NKAIN2: variants seen among roughly 807,000 people sequenced by gnomAD.
NKAIN2 encodes the protein sodium/potassium-transporting ATPase subunit beta-1-interacting protein 2.
Under a neutral mutation model 32.6 loss-of-function variants are expected in NKAIN2, and 14 were observed. That is an observed-to-expected ratio of 0.43 (90% confidence interval 0.28 to 0.67). The LOEUF is 0.67. NKAIN2 is among the 30% of genes least tolerant of loss of function. The pLI, the probability that NKAIN2 is intolerant of heterozygous loss-of-function variation, is 0.17. For missense variants in NKAIN2, 198 were observed against 258.3 expected (o/e 0.77, Z 1.60); for synonymous variants, 80 against 87.2 (o/e 0.92, Z 0.46).
intron 1 of NKAIN2, among the ~76,000 whole-genome samples, chr6:123,815,061 G>A (rs1773633459): frequency 6.6e-6 from 1 of 152,114 alleles, no homozygotes; most frequent in Non-Finnish European, 1.5e-5. Flanking sequence ...TGAATAAATT[G>A]TGTGTTTCTA....
intron 1 of NKAIN2, among the ~76,000 whole-genome samples, chr6:124,234,100 T>G (rs901464289): frequency 2.6e-5 from 4 of 152,160 alleles, no homozygotes; most frequent in African/African-American, 9.6e-5. Context: ...TTTCCAGCTC[T>G]TTCTGTTGTC....
intron 2 of NKAIN2, among the ~76,000 whole-genome samples, chr6:124,293,431 G>A (rs758074113): frequency 1.7e-4 from 25 of 151,234 alleles, no homozygotes; most frequent in Non-Finnish European, 2.2e-4. Flanking sequence ...AAAATTATGC[G>A]GCCTTAAGAA....
chr6:124,308,854 A>G (rs1320124413), intron 2 of NKAIN2, among the ~76,000 whole-genome samples: 1 of 152,204 alleles, frequency 6.6e-6, no homozygotes, highest in Non-Finnish European at 1.5e-5. Context: ...TTCAATAAGG[A>G]AAGGATCCAC....
intron 3 of NKAIN2, among the ~76,000 whole-genome samples, chr6:124,655,506 C>CT (rs1407396803): frequency 6.6e-6 from 1 of 152,072 alleles, no homozygotes; most frequent in African/African-American, 2.4e-5. Flanking sequence ...AACATCAATG[C>CT]TTTTTAAAAA....
chr6:123,839,106 CTG>C (rs1326488297), intron 1 of NKAIN2, among the ~76,000 whole-genome samples: 1 of 151,910 alleles, frequency 6.6e-6, no homozygotes, highest in Non-Finnish European at 1.5e-5. Context: ...GAGAGGGACT[CTG>C]TGTGTCCTGT....
intron 1 of NKAIN2, among the ~76,000 whole-genome samples, chr6:123,904,829 G>C (rs1289103058): frequency 6.6e-6 from 1 of 152,178 alleles, no homozygotes; most frequent in Non-Finnish European, 1.5e-5. Context: ...AGCTGAGCTG[G>C]GGGTGAGAAG....
At chr6:124,370,701 T>A (rs6900347) in intron 3 of NKAIN2, among the ~76,000 whole-genome samples, 12,343 of 152,184 alleles carry the variant, frequency 0.081, 506 homozygotes, top group African/African-American at 0.1. Context: ...TGATAGGTCC[T>A]CAAATCTTTT....
intron 3 of NKAIN2, among the ~76,000 whole-genome samples, chr6:124,573,678 G>T (rs1253239785): frequency 6.6e-6 from 1 of 151,984 alleles, no homozygotes; most frequent in Non-Finnish European, 1.5e-5. Context: ...CCCACTTTCA[G>T]ATCTGAAGCT....
intron 1 of NKAIN2, among the ~76,000 whole-genome samples, chr6:123,841,144 G>A (rs962616487): frequency 6.6e-6 from 1 of 152,090 alleles, no homozygotes; most frequent in African/African-American, 2.4e-5. Context: ...TGTGAATAGG[G>A]CGGTATATGT....
intron 3 of NKAIN2, among the ~76,000 whole-genome samples, chr6:124,596,708 G>A (rs2114972094): frequency 6.6e-6 from 1 of 150,994 alleles, no homozygotes; most frequent in South Asian, 2.1e-4. Flanking sequence ...GTGTAAGTGT[G>A]TGTAATGTAT....
intron 1 of NKAIN2, among the ~76,000 whole-genome samples, chr6:124,016,161 A>T (rs1266646586): frequency 1.3e-5 from 2 of 152,190 alleles, no homozygotes; most frequent in African/African-American, 4.8e-5. Context: ...CTCTCTTGGC[A>T]AAAGTTACAT....
At chr6:124,728,909 A>G (rs1318367411) in intron 4 of NKAIN2, among the ~76,000 whole-genome samples, 5 of 151,148 alleles carry the variant, frequency 3.3e-5, no homozygotes, top group African/African-American at 1.2e-4. Context: ...ACAAACTACC[A>G]TCAGAGAATA....
At chr6:124,650,679 A>G (rs1784338323) in intron 3 of NKAIN2, among the ~76,000 whole-genome samples, 1 of 152,126 alleles carries the variant, frequency 6.6e-6, no homozygotes, top group Admixed American at 6.5e-5. Flanking sequence ...GGAGCAACGC[A>G]TGGCCTAATC....
chr6:124,519,713 C>T (rs2114793419), intron 3 of NKAIN2, among the ~76,000 whole-genome samples: 1 of 152,170 alleles, frequency 6.6e-6, no homozygotes. Context: ...ATTCCATATT[C>T]ACAAATGGAA....
intron 1 of NKAIN2, among the ~76,000 whole-genome samples, chr6:124,057,845 C>G (rs1782731787): frequency 6.6e-6 from 1 of 151,884 alleles, no homozygotes; most frequent in Non-Finnish European, 1.5e-5. Context: ...GTAAAATGCC[C>G]AGTTTAATGC....
chr6:124,313,764 G>C (rs1796820072), intron 2 of NKAIN2, among the ~76,000 whole-genome samples: 2 of 152,040 alleles, frequency 1.3e-5, no homozygotes, highest in Non-Finnish European at 2.9e-5. Context: ...AGTATCTGTT[G>C]TTTCCTTAAA....
intron 3 of NKAIN2, among the ~76,000 whole-genome samples, chr6:124,416,516 G>A (rs1045818030): frequency 3.9e-5 from 6 of 152,156 alleles, no homozygotes; most frequent in Non-Finnish European, 2.9e-5. Context: ...GCATGCACCT[G>A]TAGTCCCGGC....
intron 2 of NKAIN2, among the ~76,000 whole-genome samples, chr6:124,317,134 A>G (rs12203544): frequency 7.5e-6 from 1 of 132,996 alleles, no homozygotes; most frequent in Non-Finnish European, 1.6e-5. Flanking sequence ...TTTAAAAAAT[A>G]AAATAAAATA....
chr6:123,872,950 C>T (rs1490363), intron 1 of NKAIN2, among the ~76,000 whole-genome samples: 2 of 151,840 alleles, frequency 1.3e-5, no homozygotes, highest in African/African-American at 4.8e-5. Context: ...TTAAGAACAC[C>T]CTATTAAATT....
Sources: allele counts gnomAD v4.1 joint callset (sites outside exome capture counted in the v4.1 genomes callset), GRCh38; gene constraint gnomAD v4.1.1; transcripts MANE v1.5; gene names NCBI Gene and HGNC (gene_info 2026-07-23, HGNC 2026-07-21).